The following VIPR1 variants were observed in gnomAD, a reference collection of about 807,000 sequenced individuals.
The protein encoded by VIPR1 is vasoactive intestinal polypeptide receptor 1.
VIPR1 carries 59 observed loss-of-function variants against 58.8 expected under a neutral mutation model. That is an observed-to-expected ratio of 1.00 (90% confidence interval 0.81 to 1.25). The LOEUF is 1.25. Among genes scored for constraint, VIPR1 ranks in the 50% most tolerant of loss-of-function variants. The pLI is 0.00. For missense variants in VIPR1, 626 were observed against 602.7 expected (o/e 1.04, Z -0.40); for synonymous variants, 251 against 242.1 (o/e 1.04, Z -0.34).
chr3:42,491,094 G>C (rs1038687506), intron 1 of VIPR1, among the ~76,000 whole-genome samples: 2 of 152,170 alleles, frequency 1.3e-5, no homozygotes, highest in Non-Finnish European at 2.9e-5. Context: ...ACAGGAGGAT[G>C]CCCGTGCGCA....
chr3:42,503,145 C>A (rs1325053742), intron 1 of VIPR1, among the ~76,000 whole-genome samples: 3 of 152,072 alleles, frequency 2.0e-5, no homozygotes, highest in South Asian at 2.1e-4. Context: ...GGTGCAGAGT[C>A]AGGTACTGCG....
At chr3:42,499,218 C>T (rs1699821316), upstream of VIPR1, among the ~76,000 whole-genome samples, 3 of 126,104 alleles carry the variant, frequency 2.4e-5, no homozygotes, top group South Asian at 5.1e-4. Flanking sequence ...CAGGTCAAGG[C>T]CACTCTGTGG....
At chr3:42,496,284 G>A (rs1228062655) in intron 1 of VIPR1, among the ~76,000 whole-genome samples, 4 of 152,080 alleles carry the variant, frequency 2.6e-5, no homozygotes, top group African/African-American at 9.7e-5. Flanking sequence ...TCTTTGCAGA[G>A]GTAACTAATA....
At chr3:42,497,839 CTA>C (rs1244282799), upstream of VIPR1, among the ~76,000 whole-genome samples, 1 of 152,196 alleles carries the variant, frequency 6.6e-6, no homozygotes, top group Non-Finnish European at 1.5e-5. Flanking sequence ...CCACATGGAA[CTA>C]TGAGTCCACT....
chr3:42,508,304 C>T (rs1191688359), intron 1 of VIPR1, among the ~76,000 whole-genome samples: 3 of 152,024 alleles, frequency 2.0e-5, no homozygotes, highest in African/African-American at 7.2e-5. Context: ...TGTTATTGTC[C>T]CCATTTTATA....
intron 1 of VIPR1, among the ~76,000 whole-genome samples, chr3:42,508,542 C>T (rs990218771): frequency 3.3e-5 from 5 of 152,172 alleles, no homozygotes; most frequent in Admixed American, 6.5e-5. Context: ...TATGTGTACA[C>T]CTGTGTCACC....
At chr3:42,527,329 C>A (rs977917856) in intron 4 of VIPR1, 64 bp from the exon 5 acceptor site, 2 of 1,491,176 alleles carry the variant, frequency 1.3e-6, no homozygotes, top group African/African-American at 1.4e-5. Flanking sequence ...CCCACCCCTG[C>A]CAATACCCCC....
At chr3:42,514,559 A>T (rs1319205299) in intron 2 of VIPR1, among the ~76,000 whole-genome samples, 3 of 151,596 alleles carry the variant, frequency 2.0e-5, no homozygotes, top group South Asian at 2.1e-4. Flanking sequence ...ACACACACAC[A>T]CACACACACA....
intron 1 of VIPR1, chr3:42,509,169 C>G (rs1700253817): frequency 6.6e-6 from 1 of 152,348 alleles, no homozygotes; most frequent in South Asian, 2.1e-4. Flanking sequence ...GCAGACAGTT[C>G]TTTCTCCTGC....
chr3:42,503,761 T>TTAGACC (rs1321039631), intron 1 of VIPR1, among the ~76,000 whole-genome samples: 1 of 152,170 alleles, frequency 6.6e-6, no homozygotes, highest in African/African-American at 2.4e-5. Context: ...CTCCCACCAG[T>TTAGACC]TAGACCTAGA....
chr3:42,535,493 C>T, intron 12 of VIPR1, 109 bp downstream of exon 12: 1 of 1,229,012 alleles, frequency 8.1e-7, no homozygotes, highest in African/African-American at 1.5e-5. Flanking sequence ...CCTTGCTGCT[C>T]CAAGTATGGT....
At chr3:42,505,368 A>G (rs673560) in intron 1 of VIPR1, among the ~76,000 whole-genome samples, 130,026 of 152,264 alleles carry the variant, frequency 0.85, 56,010 homozygotes, top group East Asian at 1. Context: ...GAGAGGCTCG[A>G]CTTCTCCCCA....
chr3:42,527,361 C>G, intron 4 of VIPR1, 32 bp from the exon 5 acceptor site: 1 of 1,603,664 alleles, frequency 6.2e-7, no homozygotes, highest in Non-Finnish European at 8.5e-7. Context: ...CCCACCCCAC[C>G]ACCCAAGAGC....
intron 1 of VIPR1, chr3:42,489,689 A>T (rs367993233): frequency 6.6e-6 from 1 of 152,210 alleles, no homozygotes; most frequent in African/African-American, 2.4e-5. Context: ...GTAGGGTAAG[A>T]CCCAGCCCTA....
At chr3:42,503,936 G>A (rs965578162) in intron 1 of VIPR1, among the ~76,000 whole-genome samples, 5 of 152,168 alleles carry the variant, frequency 3.3e-5, no homozygotes, top group South Asian at 2.1e-4. Flanking sequence ...CTCCACCAGA[G>A]CAGGTATCTC....
intron 1 of VIPR1, among the ~76,000 whole-genome samples, chr3:42,505,356 G>T (rs989816007): frequency 3.3e-5 from 5 of 152,244 alleles, no homozygotes; most frequent in African/African-American, 1.2e-4. Flanking sequence ...CCCAGGGACT[G>T]GGAGAGGCTC....
At chr3:42,532,522 G>C (rs906714596) in intron 10 of VIPR1, 189 bp downstream of exon 10, 31 of 648,350 alleles carry the variant, frequency 4.8e-5, no homozygotes, top group Admixed American at 4.7e-4. Flanking sequence ...CCCTCACCAG[G>C]CTGCACTCAG....
At chr3:42,529,179 C>T (rs373847583) in intron 6 of VIPR1, among the ~76,000 whole-genome samples, 3 of 152,266 alleles carry the variant, frequency 2.0e-5, no homozygotes, top group Admixed American at 6.5e-5. Flanking sequence ...TATGGCCAGA[C>T]GCGGATTATG....
At chr3:42,501,504 C>T (rs1699868574), upstream of VIPR1, among the ~76,000 whole-genome samples, 1 of 152,230 alleles carries the variant, frequency 6.6e-6, no homozygotes, top group African/African-American at 2.4e-5. This position sits in a 1 kb window ranked among gnomAD's most constrained non-coding sequence, Gnocchi z 4.8. Context: ...TCTCCAGCCT[C>T]GATTGTGCAG....
Sources: gnomAD v4.1 joint callset for allele counts (sites outside exome capture counted in the v4.1 genomes callset) on GRCh38, gnomAD v4.1.1 for gene constraint, Gnocchi (gnomAD v3.1) non-coding constraint, MANE v1.5 for transcripts, NCBI Gene and HGNC (gene_info 2026-07-23, HGNC 2026-07-21) for gene names.